The following DLG2 variants were observed in gnomAD, a reference collection of about 807,000 sequenced individuals.
The protein encoded by DLG2 is disks large homolog 2.
In DLG2, 45 loss-of-function variants were observed where a neutral mutation model predicts 132.5. The ratio of observed to expected loss-of-function variants is 0.34; its 90% CI spans 0.27 to 0.44. The LOEUF (loss-of-function observed/expected upper bound fraction) is 0.44, where lower values mean the gene tolerates loss of function less well. Ranked by LOEUF, DLG2 falls within the 20% of genes least tolerant of loss-of-function variation. The probability of loss-of-function intolerance (pLI) is 1.00; values close to 1 mark genes in which losing one functional copy is unlikely to be tolerated. For missense variants in DLG2, 1,045 were observed against 1,196.9 expected (o/e 0.87, Z 1.87); for synonymous variants, 424 against 419.6 (o/e 1.01, Z -0.13).
intron 8 of DLG2, among the ~76,000 whole-genome samples, chr11:84,187,683 G>A (rs1471506094): frequency 6.6e-6 from 1 of 151,954 alleles, no homozygotes; most frequent in Non-Finnish European, 1.5e-5. Context: ...ATATGAACAG[G>A]ATTTTAGGAT....
chr11:83,774,242 C>G (rs1173844211), intron 18 of DLG2, among the ~76,000 whole-genome samples: 1 of 152,224 alleles, frequency 6.6e-6, no homozygotes, highest in African/African-American at 2.4e-5. Context: ...AGGGTTTTCT[C>G]AAGTTCCATT....
chr11:84,115,431 T>C (rs2093587251), intron 9 of DLG2, among the ~76,000 whole-genome samples: 3 of 148,556 alleles, frequency 2.0e-5, no homozygotes. Context: ...TAGGAGTATA[T>C]TTGCTTTCTT....
intron 6 of DLG2, among the ~76,000 whole-genome samples, chr11:84,893,155 T>C (rs1481075322): frequency 6.6e-6 from 1 of 152,154 alleles, no homozygotes; most frequent in East Asian, 1.9e-4. Context: ...GTTCACATAC[T>C]TTAGAAGGTC....
intron 6 of DLG2, among the ~76,000 whole-genome samples, chr11:84,679,551 C>G (rs2099723468): frequency 6.6e-6 from 1 of 151,904 alleles, no homozygotes; most frequent in South Asian, 2.1e-4. Flanking sequence ...AGGGTTACTT[C>G]AGGAAGAATC....
intron 19 of DLG2, among the ~76,000 whole-genome samples, chr11:83,561,225 T>A: frequency 6.6e-6 from 1 of 152,176 alleles, no homozygotes; most frequent in Admixed American, 6.5e-5. Context: ...GGGGTTCCAA[T>A]TCAACATGAG....
chr11:83,595,211 G>T (rs1352728482), intron 19 of DLG2, among the ~76,000 whole-genome samples: 1 of 152,140 alleles, frequency 6.6e-6, no homozygotes, highest in Non-Finnish European at 1.5e-5. Context: ...CAGCTCTTGG[G>T]TATTAAATAA....
intron 15 of DLG2, among the ~76,000 whole-genome samples, chr11:83,889,724 G>C (rs1052635827): frequency 3.3e-5 from 5 of 152,004 alleles, no homozygotes; most frequent in African/African-American, 1.2e-4. Context: ...GTCCAACAAT[G>C]ATAGACTGGA....
intron 6 of DLG2, among the ~76,000 whole-genome samples, chr11:84,816,338 T>C (rs1448183178): frequency 1.3e-5 from 2 of 151,986 alleles, no homozygotes; most frequent in Admixed American, 1.3e-4. Flanking sequence ...CTGGAAAACC[T>C]TGGAGTACAA....
At chr11:84,817,183 T>G (rs1598791221) in intron 6 of DLG2, among the ~76,000 whole-genome samples, 1 of 152,046 alleles carries the variant, frequency 6.6e-6, no homozygotes, top group Non-Finnish European at 1.5e-5. Flanking sequence ...TGGTGCCTAA[T>G]TTGATGCTTA....
chr11:85,616,583 T>C (rs928342986), intron 2 of DLG2, among the ~76,000 whole-genome samples: 3 of 152,246 alleles, frequency 2.0e-5, no homozygotes, highest in Non-Finnish European at 4.4e-5. Flanking sequence ...AATTCCAGTT[T>C]TGCTTTCTAA....
At chr11:84,571,471 C>A (rs1341952605) in intron 6 of DLG2, among the ~76,000 whole-genome samples, 3 of 151,952 alleles carry the variant, frequency 2.0e-5, no homozygotes, top group Non-Finnish European at 2.9e-5. Flanking sequence ...TTAAAATGAA[C>A]TGCTATTTAT....
At chr11:85,184,417 C>T (rs1595163853) in intron 4 of DLG2, among the ~76,000 whole-genome samples, 1 of 150,458 alleles carries the variant, frequency 6.6e-6, no homozygotes, top group Non-Finnish European at 1.5e-5. Flanking sequence ...TCATTCGTTG[C>T]AATAAATAAG....
At chr11:84,287,114 AATT>A (rs1324949224) in intron 7 of DLG2, among the ~76,000 whole-genome samples, 1 of 152,136 alleles carries the variant, frequency 6.6e-6, no homozygotes, top group Non-Finnish European at 1.5e-5. Context: ...ACCAAATAAT[AATT>A]GTTACCTATT....
intron 7 of DLG2, among the ~76,000 whole-genome samples, chr11:84,458,318 G>A (rs77963459): frequency 0.026 from 3,936 of 150,846 alleles, 62 homozygotes; most frequent in Middle Eastern, 0.068. Context: ...AAATATTTTT[G>A]AGACTTCTGC....
At chr11:85,070,824 T>C (rs1381098575) in intron 6 of DLG2, among the ~76,000 whole-genome samples, 1 of 151,850 alleles carries the variant, frequency 6.6e-6, no homozygotes, top group Non-Finnish European at 1.5e-5. Flanking sequence ...TCTCATAGCA[T>C]TTTCAAATTT....
chr11:83,623,531 C>A (rs1022837422), intron 19 of DLG2, among the ~76,000 whole-genome samples: 1 of 152,186 alleles, frequency 6.6e-6, no homozygotes, highest in African/African-American at 2.4e-5. Context: ...GGTGAGTCAA[C>A]AGACAGGAAA....
At chr11:84,831,898 T>G (rs2079100476) in intron 6 of DLG2, among the ~76,000 whole-genome samples, 2 of 151,696 alleles carry the variant, frequency 1.3e-5, no homozygotes, top group Non-Finnish European at 1.5e-5. Context: ...TCAGAGGGCT[T>G]GCAACTCACT....
At chr11:83,696,862 A>G (rs2082040601) in intron 18 of DLG2, among the ~76,000 whole-genome samples, 1 of 152,232 alleles carries the variant, frequency 6.6e-6, no homozygotes, top group Non-Finnish European at 1.5e-5. Context: ...GCAAAGCACT[A>G]TGGGAGCCCA....
chr11:83,660,132 T>G (rs897766490), intron 18 of DLG2, among the ~76,000 whole-genome samples: 2 of 152,178 alleles, frequency 1.3e-5, no homozygotes, highest in Non-Finnish European at 2.9e-5. Flanking sequence ...AAGGATAGGT[T>G]TTTGTTATTT....
Sources: allele counts gnomAD v4.1 joint callset (sites outside exome capture counted in the v4.1 genomes callset), GRCh38; gene constraint gnomAD v4.1.1; transcripts MANE v1.5; gene names NCBI Gene and HGNC (gene_info 2026-07-23, HGNC 2026-07-21).